The following DOCK3 variants were observed in gnomAD, a reference collection of about 807,000 sequenced individuals.
The protein encoded by DOCK3 is dedicator of cytokinesis 3, also known as dedicator of cytokinesis protein 3.
DOCK3 carries 60 observed loss-of-function variants against 265.6 expected under a neutral mutation model. The ratio of observed to expected loss-of-function variants is 0.23; its 90% CI spans 0.18 to 0.28. DOCK3 has a LOEUF of 0.28. DOCK3 is among the 10% of genes least tolerant of loss of function. DOCK3 has a pLI of 1.00. For synonymous variants in DOCK3, 881 were observed against 938.0 expected, an observed-to-expected ratio of 0.94 and a Z score of 1.11; for missense variants, 1,981 against 2,594.3, an observed-to-expected ratio of 0.76 and a Z score of 5.14.
At chr3:51,106,045 C>G (rs1191297401) in intron 9 of DOCK3, among the ~76,000 whole-genome samples, 1 of 152,228 alleles carries the variant, frequency 6.6e-6, no homozygotes, top group Non-Finnish European at 1.5e-5. Context: ...GGGTGGAGCC[C>G]AGAGGGTTTG....
In DOCK3 at chr3:50,795,450, C is replaced by T. The variant is rs985621669; in HGVS notation, c.121+16692C>T. On this transcript the variant is annotated intron_variant, in intron 2 of 52. Transcript: ENST00000266037. ...AGGCTGGAGTGCCGTGGCATGATCT[C>T]AGCTCACTGCAACCTCTGCCTCCCG... Among the ~76,000 whole-genome samples, 5 of 152,098 alleles carry T rather than the reference C, an allele frequency of 3.3e-5. No homozygotes were observed. The East Asian group carries it at 9.7e-4, about 29-fold the overall frequency.
chr3:50,777,337 C>T (rs760636881), intron 1 of DOCK3, among the ~76,000 whole-genome samples: 3 of 151,916 alleles, frequency 2.0e-5, no homozygotes, highest in Non-Finnish European at 4.4e-5. Flanking sequence ...AACTATAGCC[C>T]TGTAGTATAA....
At chr3:51,061,459 A>G (rs2081405310) in intron 5 of DOCK3, among the ~76,000 whole-genome samples, 1 of 152,098 alleles carries the variant, frequency 6.6e-6, no homozygotes, top group Non-Finnish European at 1.5e-5. Flanking sequence ...AACTATTGCA[A>G]GGACAAAAAA....
chr3:51,210,394 G>A (rs2089439802), intron 13 of DOCK3, among the ~76,000 whole-genome samples: 1 of 152,212 alleles, frequency 6.6e-6, no homozygotes, highest in African/African-American at 2.4e-5. Context: ...GGTGGTCTCT[G>A]TGTAGTTGTG....
At chr3:50,813,668 G>T (rs1260841369) in intron 2 of DOCK3, among the ~76,000 whole-genome samples, 1 of 152,140 alleles carries the variant, frequency 6.6e-6, no homozygotes, top group Non-Finnish European at 1.5e-5. Flanking sequence ...CCATCATGAA[G>T]TTGAAAAATT....
intron 4 of DOCK3, among the ~76,000 whole-genome samples, chr3:50,906,414 G>A (rs1220485551): frequency 6.6e-6 from 1 of 151,940 alleles, no homozygotes; most frequent in Non-Finnish European, 1.5e-5. Context: ...TGGTTGGGAG[G>A]CTATTAATTA....
At chr3:50,953,767 G>T (rs974582479) in intron 5 of DOCK3, among the ~76,000 whole-genome samples, 8 of 152,134 alleles carry the variant, frequency 5.3e-5, no homozygotes, top group African/African-American at 1.9e-4. Flanking sequence ...GGCAAAGAGA[G>T]TGAATTTGGA....
intron 5 of DOCK3, among the ~76,000 whole-genome samples, chr3:51,000,360 A>G (rs2078434255): frequency 6.6e-6 from 1 of 152,176 alleles, no homozygotes; most frequent in African/African-American, 2.4e-5. Context: ...CACATACAAT[A>G]ATTTGTGAAT....
intron 1 of DOCK3, among the ~76,000 whole-genome samples, chr3:50,731,299 T>C (rs894008981): frequency 6.6e-6 from 1 of 152,214 alleles, no homozygotes; most frequent in Non-Finnish European, 1.5e-5. Flanking sequence ...TGTGATAGTA[T>C]AATGATAGAT....
At chr3:51,289,036 A>G (rs1210166340) in intron 27 of DOCK3, among the ~76,000 whole-genome samples, 1 of 152,062 alleles carries the variant, frequency 6.6e-6, no homozygotes, top group Non-Finnish European at 1.5e-5. Flanking sequence ...GACTTAGGAC[A>G]GGAGTGACAA....
chr3:51,204,620 G>C (rs2089055556), intron 12 of DOCK3, among the ~76,000 whole-genome samples: 1 of 142,620 alleles, frequency 7.0e-6, no homozygotes, highest in South Asian at 2.4e-4. Context: ...ATTCCTCAGG[G>C]ATCTAGAACT....
intron 5 of DOCK3, among the ~76,000 whole-genome samples, chr3:50,974,871 T>G (rs79464389): frequency 0.87 from 97,467 of 111,640 alleles, 43,618 homozygotes; most frequent in Middle Eastern, 0.98. Context: ...TTGTAAGTTG[T>G]ATTCCTAGGT....
intron 5 of DOCK3, among the ~76,000 whole-genome samples, chr3:51,039,285 C>T (rs143410483): frequency 9.0e-4 from 137 of 152,220 alleles, no homozygotes; most frequent in Non-Finnish European, 1.7e-3. Context: ...GGTGAGCCAC[C>T]GTACCCAGCT....
intron 1 of DOCK3, among the ~76,000 whole-genome samples, chr3:50,720,115 A>G (rs891832933): frequency 2.6e-5 from 4 of 152,188 alleles, no homozygotes; most frequent in African/African-American, 9.7e-5. Flanking sequence ...TAACATAGAA[A>G]GGTGTTACCT....
intron 5 of DOCK3, among the ~76,000 whole-genome samples, chr3:51,033,271 C>G (rs1197581270): frequency 6.6e-6 from 1 of 152,184 alleles, no homozygotes; most frequent in Non-Finnish European, 1.5e-5. Flanking sequence ...CTTTGGCTGA[C>G]TTTCTCAAAA....
At chr3:51,328,961 T>G (rs957366759) in intron 32 of DOCK3, among the ~76,000 whole-genome samples, 2 of 152,110 alleles carry the variant, frequency 1.3e-5, no homozygotes, top group East Asian at 3.9e-4. Context: ...AATACCAGCC[T>G]GGGCAACATG....
At chr3:51,199,070 A>G (rs1442066673) in intron 12 of DOCK3, among the ~76,000 whole-genome samples, 3 of 152,132 alleles carry the variant, frequency 2.0e-5, no homozygotes, top group Non-Finnish European at 4.4e-5. Context: ...GAGATGGCCG[A>G]GTAGGAACAC....
chr3:50,973,045 G>GTTTTTT (rs1240169729), intron 5 of DOCK3, among the ~76,000 whole-genome samples: 6 of 3,930 alleles, frequency 1.5e-3, no homozygotes, highest in Non-Finnish European at 2.3e-3. Flanking sequence ...CATTCAGTGT[G>GTTTTTT]TTTCTTTTTT....
chr3:51,251,875 A>G (rs1256662896), intron 22 of DOCK3, among the ~76,000 whole-genome samples: 1 of 152,116 alleles, frequency 6.6e-6, no homozygotes, highest in African/African-American at 2.4e-5. Context: ...ATTAGATCCC[A>G]TTGGTCAATT....
Sources: allele counts gnomAD v4.1 joint callset (sites outside exome capture counted in the v4.1 genomes callset), GRCh38; gene constraint gnomAD v4.1.1; transcripts MANE v1.5; gene names NCBI Gene and HGNC (gene_info 2026-07-23, HGNC 2026-07-21).